Variants in DAB1 observed in about 807,000 individuals in gnomAD.
DAB1 encodes DAB adaptor protein 1, also known as disabled homolog 1.
In DAB1, 15 loss-of-function variants were observed where a neutral mutation model predicts 64.6. The ratio of observed to expected loss-of-function variants is 0.23; its 90% CI spans 0.16 to 0.36. The LOEUF is 0.36. Among genes scored for constraint, DAB1 ranks in the 10% least tolerant of loss-of-function variants. The pLI is 1.00. For synonymous variants in DAB1, 235 were observed against 251.9 expected, an observed-to-expected ratio of 0.93 and a Z score of 0.64; for missense variants, 596 against 706.7, an observed-to-expected ratio of 0.84 and a Z score of 1.78.
rs892211748 is a variant in DAB1, at chr1:57,093,256, G to A, written c.307-20842C>T. ...AGGTATGTCCAAGGTTAAAAATCTG[G>A]CACCTTGTGGAGTGGAAAAAGGTCC... On this transcript the variant is annotated intron_variant, in intron 4 of 14. Coordinates refer to ENST00000371236, the MANE Select transcript of DAB1 (RefSeq NM_001365792.1). 3.3e-5 allele frequency among the ~76,000 whole-genome samples: 5 copies of A among 152,172 alleles called. 1 individual carries two copies. Among genetic ancestry groups the A allele is most frequent in the Non-Finnish European group, 1.5e-5 (1 of 68,032 alleles).
chr1:57,376,010 T>C (rs1278818275), intron 1 of DAB1, among the ~76,000 whole-genome samples: 1 of 152,170 alleles, frequency 6.6e-6, no homozygotes, highest in African/African-American at 2.4e-5. Flanking sequence ...TCATGACGCA[T>C]GCACTCCCAG....
intron 3 of DAB1, among the ~76,000 whole-genome samples, chr1:58,446,758 C>T (rs1645071975): frequency 6.6e-6 from 1 of 152,152 alleles, no homozygotes; most frequent in African/African-American, 2.4e-5. Flanking sequence ...CCTTGTTGTT[C>T]CATGTCAGTG....
intron 4 of DAB1, among the ~76,000 whole-genome samples, chr1:58,334,196 G>T (rs1663042286): frequency 6.6e-6 from 1 of 152,132 alleles, no homozygotes; most frequent in African/African-American, 2.4e-5. Context: ...AACTGTGTTT[G>T]TATGGCTTGA....
chr1:57,633,361 G>C (rs1646014278), intron 7 of DAB1, among the ~76,000 whole-genome samples: 1 of 152,352 alleles, frequency 6.6e-6, no homozygotes, highest in African/African-American at 2.4e-5. Flanking sequence ...TCGGGATGAA[G>C]CCTGAGTTTC....
At position 57,015,329 on chromosome 1, in the gene DAB1, A is replaced by G; in HGVS notation, c.998T>C (p.Met333Thr). The change falls in exon 12 of 15, where the codon ATG (methionine) becomes ACG (threonine). Residue 333 changes from methionine to threonine, a missense_variant. Physicochemically the swap from Met to Thr is moderately conservative, Grantham distance 81 (BLOSUM62 -1). Transcript: ENST00000371236. ...MGAQPPVAQVMPGAQPIAWGQ... is the reference protein window; with the variant it reads ...MGAQPPVAQVTPGAQPIAWGQ... Reference sequence around the variant, plus strand: ...CCATGCGATGGGCTGAGCCCCCGGCATCACCTGAGCGACTGGTGGCTGGGC... The same window carrying G: ...CCATGCGATGGGCTGAGCCCCCGGCGTCACCTGAGCGACTGGTGGCTGGGC... 6.2e-7 allele frequency: 1 copy of G among 1,614,082 alleles called. No homozygotes were observed.
chr1:58,048,911 A>G lies in DAB1; in HGVS notation n.387+101600T>C, dbSNP rs993794020. On this transcript the variant is annotated intron_variant and non_coding_transcript_variant, in intron 5 of 20. Transcript: ENST00000485760. ...TGATTTCAATCACTTCCATTTTTCC[A>G]ACTGTTAAAAATAATCTCTTAGGTG... 58 of 895,406 alleles carry G rather than the reference A, an allele frequency of 6.5e-5. 1 individual carries two copies. Among genetic ancestry groups the G allele is most frequent in the Non-Finnish European group, 1.9e-6 (1 of 540,522 alleles). The allele number at this position is 895,406 out of a possible 1,614,324, so 55.5% of individuals were successfully genotyped here. A position where few individuals can be genotyped will look rare whatever the true frequency, so the allele number is the denominator to read the frequency against.
At chr1:58,343,132 G>T (rs1643958623) in intron 4 of DAB1, among the ~76,000 whole-genome samples, 1 of 152,068 alleles carries the variant, frequency 6.6e-6, no homozygotes, top group Admixed American at 6.6e-5. Flanking sequence ...AGGTCTGCAG[G>T]TCTATAATGC....
chr1:57,131,700 T>C (rs1467271447), intron 4 of DAB1, among the ~76,000 whole-genome samples: 1 of 152,182 alleles, frequency 6.6e-6, no homozygotes, highest in Non-Finnish European at 1.5e-5. Flanking sequence ...AATTATTAAA[T>C]CAGCCCTGAA....
chr1:58,068,741 G>A (rs1649025521), intron 5 of DAB1, among the ~76,000 whole-genome samples: 1 of 148,102 alleles, frequency 6.8e-6, no homozygotes, highest in Non-Finnish European at 1.5e-5. Context: ...ACTCCAGCCT[G>A]GGCAACAGAG....
At position 57,984,236 on chromosome 1, in the gene DAB1, G is replaced by C. The variant is rs188667610; in HGVS notation, n.388-100074C>G. Reference sequence around the variant, plus strand: ...AGAAAGAAAGAAAGAAAGAAAGAAAGAAAGAAAGAAAGAAAGAAAGAAAGA... The same window carrying C: ...AGAAAGAAAGAAAGAAAGAAAGAAACAAAGAAAGAAAGAAAGAAAGAAAGA... On this transcript the variant is annotated intron_variant and non_coding_transcript_variant, in intron 5 of 20. Transcript: ENST00000485760. 8.0e-4 allele frequency among the ~76,000 whole-genome samples: 117 copies of C among 146,836 alleles called. 3 individuals are homozygous for C. The East Asian group carries it at 0.023, about 28-fold the overall frequency.
At chr1:58,412,853 T>C (rs1644684268) in intron 3 of DAB1, among the ~76,000 whole-genome samples, 1 of 152,248 alleles carries the variant, frequency 6.6e-6, no homozygotes, top group Non-Finnish European at 1.5e-5. Context: ...TATACTTCTT[T>C]ACTTCATCTA....
In DAB1 at chr1:58,076,757, G is replaced by A. The variant is rs148039319; in HGVS notation, n.387+73754C>T. On this transcript the variant is annotated intron_variant and non_coding_transcript_variant, in intron 5 of 20. Coordinates refer to the DAB1 transcript ENST00000485760. ...AACAAATCTATTTCCCCTCCTCCTC[G>A]CTGCCCTCAAAAGGCAGTGACACCA... is the stretch of plus-strand genomic sequence containing the variant. 6.6e-5 allele frequency among the ~76,000 whole-genome samples: 10 copies of A among 152,214 alleles called. No individual in the cohort carries two copies. In the East Asian group the frequency reaches 1.2e-3, roughly 18 times the overall value.
At chr1:57,033,939 C>T (rs954739257) in intron 9 of DAB1, among the ~76,000 whole-genome samples, 16 of 152,190 alleles carry the variant, frequency 1.1e-4, no homozygotes, top group Non-Finnish European at 1.9e-4. Context: ...CCAAACTTTA[C>T]AGCTGGTTTC....
chr1:57,620,183 C>T (rs11803829), intron 7 of DAB1, among the ~76,000 whole-genome samples: 6,120 of 152,142 alleles, frequency 0.04, 435 homozygotes, highest in African/African-American at 0.14. Flanking sequence ...GACTCCGCCC[C>T]GAAAGGAGAA....
At chr1:58,104,193 C>T (rs1651501469) in intron 5 of DAB1, among the ~76,000 whole-genome samples, 2 of 152,190 alleles carry the variant, frequency 1.3e-5, no homozygotes, top group African/African-American at 4.8e-5. Context: ...TGGTGAAGCC[C>T]CGAGGGAAAG....
chr1:58,519,714 C>A (rs1646230460), intron 2 of DAB1, among the ~76,000 whole-genome samples: 1 of 151,934 alleles, frequency 6.6e-6, no homozygotes, highest in Non-Finnish European at 1.5e-5. Context: ...AGCTATAATA[C>A]AGAGATTAGA....
chr1:57,903,304 T>G (rs1270970759), intron 5 of DAB1, among the ~76,000 whole-genome samples: 1 of 152,194 alleles, frequency 6.6e-6, no homozygotes, highest in Non-Finnish European at 1.5e-5. Flanking sequence ...TCTAATTCTA[T>G]CATTCCTCTA....
chr1:57,118,356 CA>C (rs1656330977), intron 4 of DAB1, among the ~76,000 whole-genome samples: 1 of 152,146 alleles, frequency 6.6e-6, no homozygotes, highest in South Asian at 2.1e-4. Context: ...CCACATAATT[CA>C]TGTTTGGACA....
chr1:57,083,965 A>C (rs1203548615), intron 4 of DAB1, among the ~76,000 whole-genome samples: 1 of 152,230 alleles, frequency 6.6e-6, no homozygotes, highest in Non-Finnish European at 1.5e-5. Context: ...TAAAGTGCCT[A>C]GCGTTCCGCC....
Sources: allele counts gnomAD v4.1 joint callset (sites outside exome capture counted in the v4.1 genomes callset), GRCh38; gene constraint gnomAD v4.1.1; transcripts MANE v1.5; gene names NCBI Gene and HGNC (gene_info 2026-07-23, HGNC 2026-07-21).